EGF: variants seen among roughly 807,000 people sequenced by gnomAD.
EGF encodes pro-epidermal growth factor.
A neutral mutation model predicts 143.8 loss-of-function variants in EGF; 95 were observed. The observed-to-expected ratio is 0.66, with a 90% CI of 0.56 to 0.78. EGF has a LOEUF of 0.78. Ranked by LOEUF, EGF falls within the 30% of genes least tolerant of loss-of-function variation. EGF has a pLI of 0.00. For missense variants in EGF, 1,320 were observed against 1,470.9 expected, an observed-to-expected ratio of 0.90 and a Z score of 1.68; for synonymous variants, 510 against 510.5, an observed-to-expected ratio of 1.00 and a Z score of 0.01.
chr4:109,948,043 C>T (rs184581754), intron 5 of EGF, among the ~76,000 whole-genome samples: 1 of 152,334 alleles, frequency 6.6e-6, no homozygotes, highest in East Asian at 1.9e-4. Context: ...CACTACTCAG[C>T]TTCTGTGACA....
intron 1 of EGF, among the ~76,000 whole-genome samples, chr4:109,927,881 A>G (rs1229400569): frequency 6.7e-6 from 1 of 148,628 alleles, no homozygotes; most frequent in African/African-American, 2.5e-5. Flanking sequence ...TAATGCTTTA[A>G]TGTTGGTAAA....
intron 10 of EGF, among the ~76,000 whole-genome samples, 180 bp downstream of exon 10, chr4:109,964,717 C>T (rs900294753): frequency 2.6e-5 from 4 of 152,104 alleles, no homozygotes; most frequent in Non-Finnish European, 4.4e-5. Flanking sequence ...ACTTTTTTGC[C>T]ATCATAATGC....
At chr4:109,919,473 A>G (rs914228058) in intron 1 of EGF, among the ~76,000 whole-genome samples, 5 of 152,256 alleles carry the variant, frequency 3.3e-5, no homozygotes, top group African/African-American at 1.2e-4. Flanking sequence ...GACATAAGTC[A>G]TAAGTAAGGC....
intron 13 of EGF, among the ~76,000 whole-genome samples, chr4:109,979,527 T>C (rs1749006791): frequency 6.6e-6 from 1 of 152,136 alleles, no homozygotes; most frequent in East Asian, 1.9e-4. Context: ...TTTTGAAAAA[T>C]CCTTACAAGA....
At chr4:109,988,848 GC>G in intron 18 of EGF, 139 bp downstream of exon 18, 1 of 1,308,780 alleles carries the variant, frequency 7.6e-7, no homozygotes, top group South Asian at 1.2e-5. Flanking sequence ...TGTGCGACCT[GC>G]TCAAACTGAC....
In EGF at chr4:109,938,844, G is replaced by A. The variant is rs560634610; in HGVS notation, c.128-2102G>A. On this transcript the variant is annotated intron_variant, in intron 1 of 23. Transcript: ENST00000265171. ...CCTTGTTTGCCTGGGTATCACCAGT[G>A]GAGGCTACAGAAGAGCAAATATTGC... Among the ~76,000 whole-genome samples the A allele has an allele frequency of 1.1e-4, 16 of 152,284 alleles. 1 individual carries two copies. The South Asian group carries it at 1.2e-3, about 12-fold the overall frequency.
chr4:109,982,311 T>A (rs552892873), intron 15 of EGF, among the ~76,000 whole-genome samples: 104 of 149,668 alleles, frequency 6.9e-4, no homozygotes, highest in African/African-American at 2.5e-3. Flanking sequence ...GCCCAGCCAA[T>A]TTTTTTTTCT....
chr4:109,944,019 C>T lies in EGF; in HGVS notation c.687C>T (p.Cys229=), dbSNP rs369591816. The T allele has an allele frequency of 1.2e-6, 2 of 1,614,044 alleles. No homozygotes were observed. Among genetic ancestry groups the T allele is most frequent in the Admixed American group, 1.7e-5 (1 of 60,006 alleles). Reference sequence around the variant, plus strand: ...GAGAAGGAAGCAATTCTCTTATTTGCTCCTGTGATTATGATGGAGGTTCTG... The same window carrying T: ...GAGAAGGAAGCAATTCTCTTATTTGTTCCTGTGATTATGATGGAGGTTCTG... ...YNREGSNSLI[C]SCDYDGGSVH... Residue 229 remains cysteine, a synonymous_variant, in exon 4 of 24, where the codon TGC becomes TGT. Transcript: ENST00000265171.
At chr4:109,944,396 G>A (rs1310078629) in intron 4 of EGF, among the ~76,000 whole-genome samples, 2 of 152,302 alleles carry the variant, frequency 1.3e-5, no homozygotes, top group South Asian at 2.1e-4. Flanking sequence ...CCGATATCGT[G>A]CCACTGCACT....
At chr4:109,929,677 AT>A (rs985471613) in intron 1 of EGF, among the ~76,000 whole-genome samples, 2 of 152,144 alleles carry the variant, frequency 1.3e-5, no homozygotes, top group African/African-American at 4.8e-5. Context: ...GGCAATCTTC[AT>A]TCACAATTTT....
intron 1 of EGF, among the ~76,000 whole-genome samples, chr4:109,916,709 A>G (rs895322525): frequency 2.0e-5 from 3 of 151,862 alleles, no homozygotes; most frequent in Admixed American, 6.6e-5. Flanking sequence ...AGAGCTTGGC[A>G]TACAATAAAC....
At chr4:109,923,903 G>T (rs1738213924) in intron 1 of EGF, among the ~76,000 whole-genome samples, 1 of 151,492 alleles carries the variant, frequency 6.6e-6, no homozygotes, top group South Asian at 2.1e-4. Flanking sequence ...TTATAGGTGT[G>T]AGCCACCACG....
chr4:110,001,562 A>G, intron 21 of EGF: 1 of 965,454 alleles, frequency 1.0e-6, no homozygotes, highest in Non-Finnish European at 1.2e-6. Context: ...ACTTAAGTTC[A>G]TGCGTGCCAT....
chr4:109,920,861 T>C lies in EGF; in HGVS notation c.127+7399T>C, dbSNP rs1055552630. 1.3e-4 allele frequency among the ~76,000 whole-genome samples: 20 copies of C among 151,646 alleles called. 2 individuals are homozygous for C. Among genetic ancestry groups the C allele is most frequent in the African/African-American group, 4.9e-4 (20 of 40,906 alleles). On this transcript the variant is annotated intron_variant, in intron 1 of 23. Coordinates refer to ENST00000265171, the MANE Select transcript of EGF (RefSeq NM_001963.6). ...CATGAAGGAAGTATTGCCTAGATAT[T>C]AGGTGAACTAAGAACTAGATTCACT...
intron 5 of EGF, among the ~76,000 whole-genome samples, chr4:109,958,030 A>C (rs1268846667): frequency 6.6e-6 from 1 of 152,244 alleles, no homozygotes; most frequent in Non-Finnish European, 1.5e-5. Flanking sequence ...AGAGATATGC[A>C]GTTGTCCCCC....
chr4:109,988,799 A>T, intron 18 of EGF, 90 bp downstream of exon 18: 1 of 1,583,708 alleles, frequency 6.3e-7, no homozygotes, highest in Non-Finnish European at 8.6e-7. Flanking sequence ...GGAAGACAGG[A>T]TATAATTGGG....
chr4:110,010,829 G>A (rs1032742166), intron 23 of EGF, among the ~76,000 whole-genome samples: 2 of 152,126 alleles, frequency 1.3e-5, no homozygotes, highest in African/African-American at 4.8e-5. Context: ...GTGAGGTTGA[G>A]GTGGGCGAAT....
At chr4:109,968,322 G>A (rs1746941332) in intron 10 of EGF, among the ~76,000 whole-genome samples, 1 of 152,054 alleles carries the variant, frequency 6.6e-6, no homozygotes, top group Non-Finnish European at 1.5e-5. Context: ...TTTATCCAAA[G>A]CAATCAAGCA....
intron 16 of EGF, among the ~76,000 whole-genome samples, chr4:109,983,893 T>C (rs941118570): frequency 6.6e-6 from 1 of 152,252 alleles, no homozygotes; most frequent in African/African-American, 2.4e-5. Context: ...GTTTTTCTAT[T>C]AGCCTGAAAA....
Sources: allele counts gnomAD v4.1 joint callset (sites outside exome capture counted in the v4.1 genomes callset), GRCh38; gene constraint gnomAD v4.1.1; transcripts MANE v1.5; gene names NCBI Gene and HGNC (gene_info 2026-07-23, HGNC 2026-07-21).